GALNT13: variants seen among roughly 807,000 people sequenced by gnomAD.
GALNT13 encodes the protein polypeptide N-acetylgalactosaminyltransferase 13.
Under a neutral mutation model 64.2 loss-of-function variants are expected in GALNT13, and 28 were observed. The ratio of observed to expected loss-of-function variants is 0.44; its 90% CI spans 0.32 to 0.60. GALNT13 has a LOEUF of 0.60. Among genes scored for constraint, GALNT13 ranks in the 20% least tolerant of loss-of-function variants. The pLI, the probability that GALNT13 is intolerant of heterozygous loss-of-function variation, is 0.05. For synonymous variants in GALNT13, 214 were observed against 224.6 expected (o/e 0.95, Z 0.42); for missense variants, 577 against 669.8 (o/e 0.86, Z 1.53).
intron 8 of GALNT13, among the ~76,000 whole-genome samples, chr2:154,263,614 A>C (rs1232096713): frequency 6.6e-6 from 1 of 152,216 alleles, no homozygotes; most frequent in Non-Finnish European, 1.5e-5. Flanking sequence ...CTGCTCAAAA[A>C]ATATATTAAA....
At chr2:153,953,322 T>C (rs1459537304) in intron 3 of GALNT13, among the ~76,000 whole-genome samples, 1 of 152,200 alleles carries the variant, frequency 6.6e-6, no homozygotes, top group African/African-American at 2.4e-5. Flanking sequence ...CATTAGTCAA[T>C]AGTAATAACA....
chr2:153,123,522 A>G, the GALNT13 span, among the ~76,000 whole-genome samples: 2 of 152,226 alleles, frequency 1.3e-5, no homozygotes, highest in Non-Finnish European at 2.9e-5. Context: ...AGTTTGAATC[A>G]ATAAAGTTAC....
At chr2:153,141,234 C>T in the GALNT13 span, among the ~76,000 whole-genome samples, 1 of 151,814 alleles carries the variant, frequency 6.6e-6, no homozygotes, top group African/African-American at 2.4e-5. Context: ...GAATAATATT[C>T]CATAGTATGG....
At chr2:154,339,342 G>GT (rs1170529339) in intron 9 of GALNT13, among the ~76,000 whole-genome samples, 3 of 152,020 alleles carry the variant, frequency 2.0e-5, no homozygotes, top group African/African-American at 7.2e-5. Context: ...ATCATTGGTT[G>GT]TTTCTAATTT....
At chr2:153,226,271 A>C in the GALNT13 span, among the ~76,000 whole-genome samples, 6 of 152,198 alleles carry the variant, frequency 3.9e-5, no homozygotes, top group Non-Finnish European at 7.3e-5. Context: ...CTAATTCTAA[A>C]GTTTATACAG....
At chr2:154,217,912 T>C (rs550673430) in intron 4 of GALNT13, among the ~76,000 whole-genome samples, 1 of 152,112 alleles carries the variant, frequency 6.6e-6, no homozygotes, top group Non-Finnish European at 1.5e-5. Context: ...TACGCAGTTG[T>C]CCGGAATGAG....
At position 154,039,319 on chromosome 2, in the gene GALNT13, T is replaced by C. The variant is rs1263595764; in HGVS notation, c.142+94680T>C. Among the ~76,000 whole-genome samples, 3 of 107,140 alleles carry C rather than the reference T, an allele frequency of 2.8e-5. 1 individual carries two copies. The highest frequency in any genetic ancestry group is 7.5e-5 in the Non-Finnish European group (3 of 40,166). The allele number at this position is 107,140 out of a possible 152,430, so 70.3% of individuals were successfully genotyped here. On this transcript the variant is annotated intron_variant, in intron 3 of 12. Transcript: ENST00000392825. Reference sequence around the variant, plus strand: ...AGAGTTATCTTTACCTCCATGCTTATTGCAGCACTATTCACAATAGTCAAG... The same window carrying C: ...AGAGTTATCTTTACCTCCATGCTTACTGCAGCACTATTCACAATAGTCAAG...
chr2:154,361,313 TA>T (rs1315725941), intron 9 of GALNT13, among the ~76,000 whole-genome samples: 1 of 152,258 alleles, frequency 6.6e-6, no homozygotes, highest in East Asian at 1.9e-4. Context: ...ATGTGTAACC[TA>T]AATTAGTCTC....
the GALNT13 span, among the ~76,000 whole-genome samples, chr2:153,356,780 C>CT: frequency 8.3e-6 from 1 of 120,762 alleles, no homozygotes; most frequent in Admixed American, 8.8e-5. Context: ...TGGAAATTTT[C>CT]TTCTTCCTCT....
At chr2:153,280,790 T>A in the GALNT13 span, among the ~76,000 whole-genome samples, 22 of 152,214 alleles carry the variant, frequency 1.4e-4, no homozygotes, top group Non-Finnish European at 2.8e-4. Context: ...AAACATGTGG[T>A]CACTCATAGA....
chr2:153,240,218 T>G, the GALNT13 span, among the ~76,000 whole-genome samples: 2 of 152,318 alleles, frequency 1.3e-5, no homozygotes, highest in African/African-American at 4.8e-5. Flanking sequence ...TTTTTCTTAG[T>G]TCTGTGGGCT....
At chr2:153,879,759 C>CT (rs1478664958) in intron 1 of GALNT13, among the ~76,000 whole-genome samples, 1 of 151,954 alleles carries the variant, frequency 6.6e-6, no homozygotes, top group Non-Finnish European at 1.5e-5. Flanking sequence ...TAAGTTTTGC[C>CT]TTTGAAAGTG....
At chr2:153,160,976 A>G in the GALNT13 span, among the ~76,000 whole-genome samples, 4 of 152,216 alleles carry the variant, frequency 2.6e-5, no homozygotes, top group African/African-American at 9.6e-5. Flanking sequence ...GACGATGTCT[A>G]TGCAAGGTAG....
At chr2:153,994,399 C>T (rs1420901539) in intron 3 of GALNT13, among the ~76,000 whole-genome samples, 4 of 152,180 alleles carry the variant, frequency 2.6e-5, no homozygotes, top group Non-Finnish European at 5.9e-5. Flanking sequence ...CTTCTTATAG[C>T]AGCACGATTT....
chr2:153,735,319 C>A, the GALNT13 span, among the ~76,000 whole-genome samples: 10 of 151,508 alleles, frequency 6.6e-5, no homozygotes, highest in South Asian at 2.1e-3. Flanking sequence ...TACTTTTCCC[C>A]CCAAGATTTC....
At chr2:153,327,204 C>A in the GALNT13 span, among the ~76,000 whole-genome samples, 1 of 152,176 alleles carries the variant, frequency 6.6e-6, no homozygotes, top group African/African-American at 2.4e-5. Context: ...CTGTGGGTAA[C>A]CCTATTCTTC....
chr2:153,345,670 T>C, the GALNT13 span, among the ~76,000 whole-genome samples: 26 of 143,892 alleles, frequency 1.8e-4, 1 homozygote, highest in African/African-American at 6.3e-4. Context: ...TTTCTTTCTT[T>C]CTTTCTTTCT....
intron 3 of GALNT13, among the ~76,000 whole-genome samples, chr2:153,949,542 G>A (rs1692017031): frequency 1.3e-5 from 2 of 151,480 alleles, no homozygotes; most frequent in Non-Finnish European, 1.5e-5. Context: ...CACAAAGGCT[G>A]TAACATTAAA....
At chr2:153,161,940 A>G in the GALNT13 span, among the ~76,000 whole-genome samples, 14 of 152,222 alleles carry the variant, frequency 9.2e-5, no homozygotes, top group African/African-American at 3.4e-4. Context: ...AGAAGGGTTC[A>G]TGGTCTCCAC....
Sources: allele counts gnomAD v4.1 joint callset (sites outside exome capture counted in the v4.1 genomes callset), GRCh38; gene constraint gnomAD v4.1.1; transcripts MANE v1.5; gene names NCBI Gene and HGNC (gene_info 2026-07-23, HGNC 2026-07-21).